NOTCH2: variants seen among roughly 807,000 people sequenced by gnomAD.
The protein encoded by NOTCH2 is neurogenic locus notch homolog protein 2.
A neutral mutation model predicts 235.8 loss-of-function variants in NOTCH2; 29 were observed. That is an observed-to-expected ratio of 0.12 (90% CI 0.09 to 0.17). NOTCH2 has a LOEUF of 0.17. Ranked by LOEUF, NOTCH2 falls within the 10% of genes least tolerant of loss-of-function variation. The pLI, the probability that NOTCH2 is intolerant of heterozygous loss-of-function variation, is 1.00. For missense variants in NOTCH2, 2,285 were observed against 3,150.2 expected (o/e 0.73, Z 6.57); for synonymous variants, 1,086 against 1,141.5 (o/e 0.95, Z 0.98).
intron 5 of NOTCH2, among the ~76,000 whole-genome samples, chr1:119,985,175 G>T (rs781797901): frequency 8.6e-5 from 13 of 152,026 alleles, no homozygotes; most frequent in Non-Finnish European, 1.9e-4. Context: ...TGTTGATGAT[G>T]GGCAGGGCAA....
intron 24 of NOTCH2, 121 bp downstream of exon 24, chr1:119,926,378 A>C (rs762975869): frequency 2.5e-6 from 2 of 814,634 alleles, no homozygotes; most frequent in Non-Finnish European, 4.2e-6. Context: ...CCTCTGAAAG[A>C]GCTAAAATTG....
At chr1:119,964,817 T>C (rs147900288) in intron 10 of NOTCH2, among the ~76,000 whole-genome samples, 3 of 152,352 alleles carry the variant, frequency 2.0e-5, no homozygotes, top group East Asian at 1.9e-4. Flanking sequence ...AAAGGAAATG[T>C]GTAATAGGGA....
At chr1:119,967,393 C>G in intron 8 of NOTCH2, 40 bp downstream of exon 8, 2 of 1,561,410 alleles carry the variant, frequency 1.3e-6, no homozygotes, top group Non-Finnish European at 1.8e-6. Context: ...TCAGAACAGT[C>G]CCTCCTCTCT....
chr1:119,969,399 G>A, intron 6 of NOTCH2, 112 bp downstream of exon 6: 1 of 901,168 alleles, frequency 1.1e-6, no homozygotes. Context: ...TGAGTGATAT[G>A]TTCCCATAGA....
At chr1:120,060,458 T>C (rs1478325039) in intron 1 of NOTCH2, among the ~76,000 whole-genome samples, 16 of 148,984 alleles carry the variant, frequency 1.1e-4, no homozygotes, top group African/African-American at 3.9e-4. Context: ...TAAATATATA[T>C]ATATATATAT....
intron 5 of NOTCH2, among the ~76,000 whole-genome samples, chr1:119,981,258 G>C (rs1651801824): frequency 6.6e-6 from 1 of 152,060 alleles, no homozygotes; most frequent in African/African-American, 2.4e-5. Context: ...CAAGTACTTA[G>C]ATGCTTCCCC....
At chr1:119,936,647 C>A (rs1553195757) in intron 21 of NOTCH2, among the ~76,000 whole-genome samples, 1 of 152,128 alleles carries the variant, frequency 6.6e-6, no homozygotes, top group African/African-American at 2.4e-5. Flanking sequence ...ATTTATATAA[C>A]AATAGAGAAG....
In NOTCH2 at chr1:119,975,002, CA is replaced by C. The variant is rs199722878; in HGVS notation, c.875-5259del. ...CATCTAATCTAACATGCTCATTTTA[CA>C]GATGAGGAAACTAGGACCTGAGAGG... On this transcript the variant is annotated intron_variant, in intron 5 of 33. Coordinates refer to ENST00000256646, the MANE Select transcript of NOTCH2 (RefSeq NM_024408.4). Among the ~76,000 whole-genome samples, 42 of 152,312 alleles carry C rather than the reference CA, an allele frequency of 2.8e-4. No homozygotes were observed. The East Asian group carries it at 6.8e-3, about 25-fold the overall frequency.
At chr1:119,928,214 T>TGG (rs1253164963) in intron 23 of NOTCH2, among the ~76,000 whole-genome samples, 11 of 152,202 alleles carry the variant, frequency 7.2e-5, no homozygotes, top group African/African-American at 2.4e-4. Flanking sequence ...CTTGGTCATC[T>TGG]TCAGGCCCTG....
At chr1:119,999,587 A>C in intron 3 of NOTCH2, among the ~76,000 whole-genome samples, 1 of 151,574 alleles carries the variant, frequency 6.6e-6, no homozygotes, top group Admixed American at 6.6e-5. Flanking sequence ...CAACTGAAAC[A>C]GAAAGATCCC....
intron 3 of NOTCH2, among the ~76,000 whole-genome samples, chr1:120,000,278 G>C (rs1364194331): frequency 6.6e-6 from 1 of 152,068 alleles, no homozygotes; most frequent in Non-Finnish European, 1.5e-5. Flanking sequence ...GCTCACACCT[G>C]TAATCCCAGC....
chr1:120,037,552 G>GA (rs376829137), intron 1 of NOTCH2, among the ~76,000 whole-genome samples: 3 of 148,600 alleles, frequency 2.0e-5, no homozygotes, highest in Non-Finnish European at 4.5e-5. Context: ...ATCAAGCCAT[G>GA]AAAAAAAAAT....
At chr1:120,029,434 T>C (rs1414592031) in intron 2 of NOTCH2, among the ~76,000 whole-genome samples, 2 of 152,038 alleles carry the variant, frequency 1.3e-5, no homozygotes, top group Non-Finnish European at 2.9e-5. Context: ...CACTGCAACC[T>C]CCGCCTCCTG....
intron 10 of NOTCH2, 119 bp from the exon 11 acceptor site, chr1:119,963,926 A>G (rs782040489): frequency 7.9e-6 from 7 of 882,630 alleles, no homozygotes; most frequent in African/African-American, 1.6e-5. Flanking sequence ...TTAATACTGC[A>G]GGTCTTGAGC....
At chr1:119,973,267 A>G (rs1651435908) in intron 5 of NOTCH2, among the ~76,000 whole-genome samples, 1 of 152,190 alleles carries the variant, frequency 6.6e-6, no homozygotes, top group Admixed American at 6.5e-5. Flanking sequence ...AATTCTATCA[A>G]CTGGTTCTAA....
chr1:119,915,502 T>G lies in NOTCH2; in HGVS notation c.7220A>C (p.His2407Pro). The change falls in exon 34 of 34, where the codon CAC (histidine) becomes CCC (proline). Residue 2407 changes from histidine (H) to proline (P), a missense_variant. Physicochemically the swap from His to Pro is moderately conservative, Grantham distance 77. This residue lies in a region of NOTCH2 where 504 missense variants were observed against 538.0 expected (regional missense o/e 0.94). Coordinates refer to ENST00000256646, the MANE Select transcript of NOTCH2 (RefSeq NM_024408.4). ...AAERTPSHSGHLQGEHPYLTP... is the reference protein window; with the variant it reads ...AAERTPSHSGPLQGEHPYLTP... ...CAGGTAGGGATGCTCACCCTGGAGG[T>G]GACCACTGTGACTGGGTGTTCGCTC... 4 of 1,614,030 alleles carry G rather than the reference T, an allele frequency of 2.5e-6. No homozygotes were observed. Among genetic ancestry groups the G allele is most frequent in the Non-Finnish European group, 3.4e-6 (4 of 1,179,988 alleles).
chr1:120,007,385 A>G (rs1264756787), intron 2 of NOTCH2, among the ~76,000 whole-genome samples: 2 of 139,244 alleles, frequency 1.4e-5, no homozygotes, highest in Non-Finnish European at 3.0e-5. Context: ...AAAACCTTAT[A>G]AATGTTAAAA....
chr1:119,989,001 G>C (rs1652125530), intron 4 of NOTCH2, among the ~76,000 whole-genome samples: 1 of 152,176 alleles, frequency 6.6e-6, no homozygotes, highest in Non-Finnish European at 1.5e-5. Flanking sequence ...TTTTATAACT[G>C]ATTGACTATT....
intron 8 of NOTCH2, 92 bp downstream of exon 8, chr1:119,967,341 A>G: frequency 8.7e-7 from 1 of 1,152,840 alleles, no homozygotes; most frequent in Non-Finnish European, 1.3e-6. Flanking sequence ...GACAGAGCTC[A>G]TCAGACTGCA....
Sources: gnomAD v4.1 joint callset for allele counts (sites outside exome capture counted in the v4.1 genomes callset) on GRCh38, gnomAD v4.1.1 for gene constraint, gnomAD v4.1.1 regional missense constraint, MANE v1.5 for transcripts, NCBI Gene and HGNC (gene_info 2026-07-23, HGNC 2026-07-21) for gene names.